Variants in HYCC2 observed in about 807,000 individuals in gnomAD.
HYCC2 encodes hyccin 2.
the HYCC2 span, chr2:200,981,438 T>G: frequency 6.2e-7 from 1 of 1,614,162 alleles, no homozygotes; most frequent in Non-Finnish European, 8.5e-7. The surrounding 1 kb of genome is among the most constrained non-coding windows in gnomAD (Gnocchi z 4.5). Context: ...AATTAGTACC[T>G]CCCTCAGTGC....
At chr2:200,975,932 A>T in the HYCC2 span, 2 of 152,246 alleles carry the variant, frequency 1.3e-5, no homozygotes, top group East Asian at 3.9e-4. Flanking sequence ...TAATGCAAGT[A>T]ATACTAAAAT....
chr2:201,031,692 G>C, the HYCC2 span, among the ~76,000 whole-genome samples: 1 of 151,946 alleles, frequency 6.6e-6, no homozygotes, highest in African/African-American at 2.4e-5. Context: ...GCTTAGTTAA[G>C]GCTTGACTCT....
chr2:201,017,194 G>T, the HYCC2 span: 1 of 1,570,912 alleles, frequency 6.4e-7, no homozygotes, highest in Non-Finnish European at 8.6e-7. Flanking sequence ...AAAGTGCACT[G>T]GTCATTTCAA....
At chr2:200,992,714 T>C in the HYCC2 span, among the ~76,000 whole-genome samples, 1 of 152,352 alleles carries the variant, frequency 6.6e-6, no homozygotes, top group East Asian at 1.9e-4. Flanking sequence ...TGACTAGTTA[T>C]GTTATATTTT....
the HYCC2 span, among the ~76,000 whole-genome samples, chr2:200,995,116 A>C: frequency 6.6e-6 from 1 of 152,220 alleles, no homozygotes; most frequent in Non-Finnish European, 1.5e-5. Flanking sequence ...ATTATAAATA[A>C]GTTTATCTGC....
chr2:200,983,088 A>C, the HYCC2 span, among the ~76,000 whole-genome samples: 2 of 152,188 alleles, frequency 1.3e-5, no homozygotes, highest in African/African-American at 4.8e-5. Flanking sequence ...GGGTTTTTGT[A>C]GGAAGAAGAG....
the HYCC2 span, among the ~76,000 whole-genome samples, chr2:201,053,243 C>T: frequency 1.3e-5 from 2 of 152,074 alleles, no homozygotes; most frequent in Admixed American, 6.6e-5. Context: ...CAGCCTCGGC[C>T]TCTCAAGTAG....
At chr2:200,973,766 T>A in the HYCC2 span, 9 of 152,178 alleles carry the variant, frequency 5.9e-5, no homozygotes, top group Non-Finnish European at 7.4e-5. Context: ...TACAAAAAAA[T>A]TTACACTCTT....
the HYCC2 span, chr2:201,063,000 G>T: frequency 6.9e-7 from 1 of 1,444,366 alleles, no homozygotes; most frequent in South Asian, 1.2e-5. Context: ...CATTTATTAT[G>T]CATCAAGTAC....
chr2:201,065,778 T>C, the HYCC2 span, among the ~76,000 whole-genome samples: 1 of 152,204 alleles, frequency 6.6e-6, no homozygotes, highest in Non-Finnish European at 1.5e-5. Flanking sequence ...GAAGGACCTG[T>C]AGCTCATCTT....
the HYCC2 span, among the ~76,000 whole-genome samples, chr2:201,018,721 T>G: frequency 6.6e-6 from 1 of 152,206 alleles, no homozygotes; most frequent in East Asian, 1.9e-4. Context: ...CATCCAGCTA[T>G]TCACAAGGTT....
chr2:201,061,164 T>C, the HYCC2 span: 1 of 149,290 alleles, frequency 6.7e-6, no homozygotes, highest in Admixed American at 6.7e-5. Context: ...CTGGGTGTGG[T>C]GGTGGCTCAT....
chr2:200,976,201 T>C, the HYCC2 span: 3 of 152,154 alleles, frequency 2.0e-5, no homozygotes, highest in Admixed American at 2.0e-4. Context: ...AGAAAAAGTC[T>C]CATGTTCAGA....
chr2:200,991,085 T>C, the HYCC2 span, among the ~76,000 whole-genome samples: 3 of 152,216 alleles, frequency 2.0e-5, no homozygotes, highest in South Asian at 4.1e-4. Context: ...TCTTTTTACA[T>C]AGAATGAAAT....
the HYCC2 span, among the ~76,000 whole-genome samples, chr2:201,017,361 G>A: frequency 6.6e-6 from 1 of 151,718 alleles, no homozygotes. Context: ...CTAACTATAA[G>A]AAGTATTTTG....
chr2:201,063,074 C>T, the HYCC2 span: 1 of 1,608,706 alleles, frequency 6.2e-7, no homozygotes, highest in Non-Finnish European at 8.5e-7. Flanking sequence ...TAAAGTCTCT[C>T]TTCACCCTGC....
the HYCC2 span, chr2:201,063,205 G>T: frequency 1.1e-5 from 17 of 1,606,374 alleles, no homozygotes; most frequent in South Asian, 1.6e-4. Context: ...AACGGGGAAC[G>T]CTCACAGACT....
At chr2:201,043,638 A>G in the HYCC2 span, among the ~76,000 whole-genome samples, 13,167 of 150,730 alleles carry the variant, frequency 0.087, 706 homozygotes, top group African/African-American at 0.13. Context: ...CCTCCCGAGT[A>G]CCTGGGACTA....
At chr2:201,018,739 G>C in the HYCC2 span, among the ~76,000 whole-genome samples, 7 of 152,244 alleles carry the variant, frequency 4.6e-5, no homozygotes, top group African/African-American at 1.7e-4. Flanking sequence ...GTTGAAGAGG[G>C]TGGATAGCTT....
Sources: gnomAD v4.1 joint callset for allele counts (sites outside exome capture counted in the v4.1 genomes callset) on GRCh38, gnomAD v4.1.1 for gene constraint, Gnocchi (gnomAD v3.1) non-coding constraint, MANE v1.5 for transcripts, NCBI Gene and HGNC (gene_info 2026-07-23, HGNC 2026-07-21) for gene names.